The following DOCK1 variants were observed in gnomAD, a reference collection of about 807,000 sequenced individuals.
DOCK1 encodes dedicator of cytokinesis protein 1.
Under a neutral mutation model 262.7 loss-of-function variants are expected in DOCK1, and 138 were observed. That is an observed-to-expected ratio of 0.53 (90% CI 0.46 to 0.61). The LOEUF (loss-of-function observed/expected upper bound fraction) is 0.61, where lower values mean the gene tolerates loss of function less well. Among genes scored for constraint, DOCK1 ranks in the 20% least tolerant of loss-of-function variants. The probability of loss-of-function intolerance (pLI) is 0.00; values close to 1 mark genes in which losing one functional copy is unlikely to be tolerated. For synonymous variants in DOCK1, 866 were observed against 867.4 expected (o/e 1.00, Z 0.03); for missense variants, 1,908 against 2,370.7 (o/e 0.80, Z 4.05).
intron 29 of DOCK1, among the ~76,000 whole-genome samples, chr10:127,296,872 C>T (rs975701625): frequency 2.6e-5 from 4 of 152,206 alleles, no homozygotes; most frequent in South Asian, 4.1e-4. Flanking sequence ...TCCTAAAGAG[C>T]CGCTCAGCCA....
chr10:127,099,735 TG>T (rs1004458604), intron 23 of DOCK1, among the ~76,000 whole-genome samples: 3 of 152,170 alleles, frequency 2.0e-5, no homozygotes, highest in Non-Finnish European at 4.4e-5. Flanking sequence ...CACCTCCCAC[TG>T]TCCCCACCTC....
intron 27 of DOCK1, among the ~76,000 whole-genome samples, chr10:127,242,669 A>T (rs1024627278): frequency 6.6e-6 from 1 of 152,168 alleles, no homozygotes; most frequent in African/African-American, 2.4e-5. Flanking sequence ...GTTTAGTAAT[A>T]TATTTTAAAA....
At chr10:127,185,494 C>A (rs2056146917) in intron 27 of DOCK1, among the ~76,000 whole-genome samples, 1 of 152,178 alleles carries the variant, frequency 6.6e-6, no homozygotes, top group South Asian at 2.1e-4. Flanking sequence ...CCACTGCACT[C>A]CAGCAAGAGA....
chr10:126,984,004 G>T (rs1332233391), intron 4 of DOCK1, among the ~76,000 whole-genome samples: 1 of 152,116 alleles, frequency 6.6e-6, no homozygotes, highest in Non-Finnish European at 1.5e-5. Context: ...CCCTCTTAAC[G>T]CCGATGCTCT....
intron 29 of DOCK1, among the ~76,000 whole-genome samples, chr10:127,319,266 T>C (rs1350613615): frequency 6.6e-6 from 1 of 152,224 alleles, no homozygotes; most frequent in Non-Finnish European, 1.5e-5. Context: ...TGATTTATTG[T>C]GTTGAAATAA....
chr10:127,379,530 G>A (rs1268917800), intron 35 of DOCK1, among the ~76,000 whole-genome samples: 2 of 152,208 alleles, frequency 1.3e-5, no homozygotes, highest in East Asian at 1.9e-4. Flanking sequence ...GGCAAGTGCA[G>A]CTGGGGAAGT....
At chr10:127,158,071 C>A (rs1157021479) in intron 27 of DOCK1, among the ~76,000 whole-genome samples, 1 of 152,308 alleles carries the variant, frequency 6.6e-6, no homozygotes, top group Non-Finnish European at 1.5e-5. Flanking sequence ...TTTGGCTTCA[C>A]TGATAATTTT....
Position 127,052,754 on chromosome 10 carries a change from G to A in DOCK1, c.2275G>A (p.Ala759Thr), listed in dbSNP as rs199584647. The A allele has an allele frequency of 1.7e-5, 27 of 1,613,842 alleles. No individual in the cohort carries two copies. The highest frequency in any genetic ancestry group is 4.0e-5 in the African/African-American group (3 of 74,914). The change falls in exon 22 of 52, where the codon GCC (alanine) becomes ACC (threonine). Residue 759 changes from alanine (A) to threonine (T), a missense_variant. Physicochemically the swap from Ala to Thr is moderately conservative, Grantham distance 58. Around this residue, in one of 9 missense-constraint regions of DOCK1, gnomAD observed 518 missense variants for 575.1 expected, o/e 0.90. Transcript: ENST00000623213. ...KPGVNEQLYK[A>T]MKALESIFKF... is the part of the protein sequence containing the mutation. ...GGGAGTAAATGAGCAGCTGTACAAA[G>A]CCATGAAAGCGCTAGAATCCATCTT...
In DOCK1 at chr10:127,236,266, T is replaced by C. The variant is rs80263761; in HGVS notation, c.2848-11742T>C. ...TTAAGTTTTGCATTTAAATCTATGA[T>C]ACATTTTGAGTCAATTTTTGTATAC... On this transcript the variant is annotated intron_variant, in intron 27 of 51. Transcript: ENST00000623213. Among the ~76,000 whole-genome samples the C allele has an allele frequency of 7.9e-5, 12 of 152,218 alleles. No individual in the cohort carries two copies. In the East Asian group the frequency reaches 1.9e-3, roughly 25 times the overall value.
At chr10:127,326,485 C>T (rs972636397) in intron 29 of DOCK1, among the ~76,000 whole-genome samples, 1 of 152,226 alleles carries the variant, frequency 6.6e-6, no homozygotes, top group Non-Finnish European at 1.5e-5. Context: ...CAAGTTGTAT[C>T]ATGAGATTGC....
chr10:127,358,581 A>G (rs1565022063), intron 32 of DOCK1, among the ~76,000 whole-genome samples: 1 of 152,114 alleles, frequency 6.6e-6, no homozygotes, highest in Non-Finnish European at 1.5e-5. Flanking sequence ...GCCAGAACGA[A>G]TGTGCTTGGA....
At chr10:127,413,946 C>G (rs1037111321) in intron 43 of DOCK1, among the ~76,000 whole-genome samples, 6 of 151,560 alleles carry the variant, frequency 4.0e-5, no homozygotes, top group African/African-American at 1.5e-4. Context: ...GAGTCTTGCT[C>G]TGTTGCCTAG....
intron 47 of DOCK1, among the ~76,000 whole-genome samples, chr10:127,426,915 A>G (rs2068850293): frequency 6.6e-6 from 1 of 152,184 alleles, no homozygotes; most frequent in African/African-American, 2.4e-5. Flanking sequence ...CCCACTTGAG[A>G]CTGTCCCCAG....
intron 27 of DOCK1, among the ~76,000 whole-genome samples, chr10:127,197,450 T>C (rs2134195422): frequency 6.6e-6 from 1 of 152,246 alleles, no homozygotes; most frequent in Admixed American, 6.5e-5. Context: ...CTGATGCCTG[T>C]CAGGCCCTGG....
intron 27 of DOCK1, among the ~76,000 whole-genome samples, chr10:127,238,327 A>C (rs1421707223): frequency 1.3e-5 from 2 of 152,170 alleles, no homozygotes; most frequent in Non-Finnish European, 2.9e-5. Flanking sequence ...CTAAAGGCCC[A>C]TACTATAATT....
At chr10:127,173,389 C>G (rs900423009) in intron 27 of DOCK1, among the ~76,000 whole-genome samples, 2 of 152,188 alleles carry the variant, frequency 1.3e-5, no homozygotes, top group Non-Finnish European at 2.9e-5. Context: ...TGGATGGCAT[C>G]TCAGAGAACC....
At position 127,210,061 on chromosome 10, in the gene DOCK1, A is replaced by G. The variant is rs184876520; in HGVS notation, c.2848-37947A>G. On this transcript the variant is annotated intron_variant, in intron 27 of 51. Transcript: ENST00000623213. ...TCTCTCTTTCTAGTCACCTGGATAC[A>G]TTATGATGCGATGCCAGACTTCCCC... Among the ~76,000 whole-genome samples, 13 of 152,308 alleles carry G rather than the reference A, an allele frequency of 8.5e-5. No individual in the cohort carries two copies. In the East Asian group the frequency reaches 1.7e-3, roughly 20 times the overall value.
At chr10:127,088,599 A>C (rs1169074050) in intron 23 of DOCK1, among the ~76,000 whole-genome samples, 1 of 152,220 alleles carries the variant, frequency 6.6e-6, no homozygotes, top group Non-Finnish European at 1.5e-5. Context: ...TGTGGGAAAG[A>C]GAATGTGAAA....
At chr10:127,113,073 A>G (rs2048962711) in intron 25 of DOCK1, among the ~76,000 whole-genome samples, 2 of 152,206 alleles carry the variant, frequency 1.3e-5, no homozygotes, top group South Asian at 4.1e-4. Context: ...CCTTTGGTAT[A>G]ACAATTTAAA....
Sources: gnomAD v4.1 joint callset for allele counts (sites outside exome capture counted in the v4.1 genomes callset) on GRCh38, gnomAD v4.1.1 for gene constraint, gnomAD v4.1.1 regional missense constraint, MANE v1.5 for transcripts, NCBI Gene and HGNC (gene_info 2026-07-23, HGNC 2026-07-21) for gene names.